The following SEC14L5 variants were observed in gnomAD, a reference collection of about 807,000 sequenced individuals.
SEC14L5 encodes the protein SEC14 like lipid binding 5, also known as SEC14-like protein 5.
SEC14L5 carries 96 observed loss-of-function variants against 84.6 expected under a neutral mutation model. That is an observed-to-expected ratio of 1.13 (90% confidence interval 0.96 to 1.34). The LOEUF is 1.34. Among genes scored for constraint, SEC14L5 ranks in the 40% most tolerant of loss-of-function variants. The pLI is 0.00. For missense variants in SEC14L5, 1,224 were observed against 942.5 expected (o/e 1.30, Z -3.91); for synonymous variants, 546 against 383.4 (o/e 1.42, Z -4.95).
chr16:4,988,243 C>G lies in SEC14L5; in HGVS notation c.308C>G (p.Ala103Gly), dbSNP rs984678731. Residue 103 changes from alanine (A) to glycine (G), a missense_variant, in exon 4 of 16, where the codon GCC (alanine) becomes GGC (glycine). Coordinates refer to ENST00000251170, the MANE Select transcript of SEC14L5 (RefSeq NM_014692.2). ...LLIEAHNETF[A>G]NRVVVNEHCS... ...ATCGAAGCGCACAATGAGACCTTCGCCAACCGCGTGGTGGTGAACGAGCAC... is the reference window on the plus strand; with the variant it reads ...ATCGAAGCGCACAATGAGACCTTCGGCAACCGCGTGGTGGTGAACGAGCAC... 5 of 1,613,688 alleles carry G rather than the reference C, an allele frequency of 3.1e-6. No homozygotes were observed. In the African/African-American group the frequency reaches 6.7e-5, roughly 22 times the overall value.
intron 4 of SEC14L5, among the ~76,000 whole-genome samples, chr16:4,989,994 T>G (rs1457979803): frequency 1.3e-5 from 2 of 152,066 alleles, no homozygotes; most frequent in African/African-American, 2.4e-5. Flanking sequence ...TTTGCAAACA[T>G]ACAGATCTAT....
chr16:4,985,485 C>T (rs1343096004), intron 2 of SEC14L5, among the ~76,000 whole-genome samples: 1 of 152,202 alleles, frequency 6.6e-6, no homozygotes, highest in Admixed American at 6.5e-5. Context: ...GCCTCAGCCC[C>T]CCAAGGTTCT....
chr16:4,962,707 A>AAC (rs1555527618), intron 2 of SEC14L5, among the ~76,000 whole-genome samples: 4 of 150,776 alleles, frequency 2.7e-5, no homozygotes, highest in Non-Finnish European at 5.9e-5. Flanking sequence ...AAAAAAAAAA[A>AAC]ACTTCCTTAT....
chr16:5,007,606 C>CTTTCTT, intron 13 of SEC14L5, 120 bp downstream of exon 13: 1 of 562,146 alleles, frequency 1.8e-6, no homozygotes. Context: ...TTCTTTCTTT[C>CTTTCTT]TTTTTTTTTT....
At chr16:4,967,030 G>C (rs1042352029) in intron 2 of SEC14L5, among the ~76,000 whole-genome samples, 12 of 152,232 alleles carry the variant, frequency 7.9e-5, no homozygotes, top group Non-Finnish European at 1.6e-4. Flanking sequence ...TGTAGCAGAA[G>C]AGGAAATTGA....
At chr16:4,970,902 C>G (rs192092832) in intron 2 of SEC14L5, among the ~76,000 whole-genome samples, 257 of 152,120 alleles carry the variant, frequency 1.7e-3, no homozygotes, top group Middle Eastern at 0.01. Flanking sequence ...GAGGTCAGGA[C>G]TTTGAGACCA....
chr16:5,000,102 C>A (rs972053145), intron 8 of SEC14L5, among the ~76,000 whole-genome samples: 3 of 151,922 alleles, frequency 2.0e-5, no homozygotes, highest in East Asian at 1.9e-4. Context: ...ACCAGCCTGG[C>A]CAAGATGGTG....
Position 5,008,615 on chromosome 16 carries a change from T to A in SEC14L5, c.1767T>A (p.Ala589=). The stretch of plus-strand genomic sequence containing the variant: ...GCAGGGATTACAGCCGTGTGGAGGC[T>A]CCCCTTGTCTGCCGGGAGGGGGAGA... ...VLGRDYSRVE[A]PLVCREGESI... Residue 589 remains alanine, a synonymous_variant, in exon 14 of 16, where the codon GCT becomes GCA. Transcript: ENST00000251170. 1 of 1,603,690 alleles carries A rather than the reference T, an allele frequency of 6.2e-7. No individual in the cohort carries two copies. The highest frequency in any genetic ancestry group is 8.5e-7 in the Non-Finnish European group (1 of 1,177,374).
rs115048011 is a variant in SEC14L5 at position 4,994,035 on chromosome 16, C to T, written c.667+2005C>T. 5.0e-3 allele frequency among the ~76,000 whole-genome samples: 705 copies of T among 140,082 alleles called. 5 individuals carry two copies. The highest frequency in any genetic ancestry group is 0.018 in the African/African-American group (666 of 37,406). 91.9% of individuals were successfully genotyped at this position (140,082 alleles called of 152,430 possible). ...TGTCCATTTTCTTATTTGCCCATTG[C>T]TTTCTTATTGGTTTGTAAGAGCTCT... On this transcript the variant is annotated intron_variant, in intron 6 of 15. Transcript: ENST00000251170.
In SEC14L5 at chr16:5,015,111, G is replaced by A. The variant is rs118017792; in HGVS notation, c.*141G>A. 6.1e-6 allele frequency: 4 copies of A among 656,388 alleles called. No individual in the cohort carries two copies. Among genetic ancestry groups the A allele is most frequent in the Non-Finnish European group, 1.0e-5 (4 of 384,162 alleles). 40.7% of individuals were successfully genotyped at this position (656,388 alleles called of 1,614,324 possible). On this transcript the variant is annotated 3_prime_UTR_variant, in exon 16 of 16. Coordinates refer to ENST00000251170, the MANE Select transcript of SEC14L5 (RefSeq NM_014692.2). Reference sequence around the variant, plus strand: ...TGCTGCCCAAGTTGGGGTGTCTGGAGCGGATGGCAAGGATCCAGAACTGGC... The same window carrying A: ...TGCTGCCCAAGTTGGGGTGTCTGGAACGGATGGCAAGGATCCAGAACTGGC...
At chr16:5,014,754 C>T in intron 15 of SEC14L5, 105 bp from the exon 16 acceptor site, 2 of 814,094 alleles carry the variant, frequency 2.5e-6, no homozygotes, top group Admixed American at 2.4e-5. Context: ...GGCCTGGGGC[C>T]CTGGGGCCTG....
In SEC14L5 at chr16:5,019,066, C is replaced by T. The variant is rs1404086341; in HGVS notation, c.*4096C>T. 1 of 152,234 alleles carries T rather than the reference C, an allele frequency of 6.6e-6. No individual in the cohort carries two copies. Among genetic ancestry groups the T allele is most frequent in the Non-Finnish European group, 1.5e-5 (1 of 68,056 alleles). 9.4% of individuals were successfully genotyped at this position (152,234 alleles called of 1,614,324 possible). On this transcript the variant is annotated 3_prime_UTR_variant, in exon 16 of 16. Coordinates refer to ENST00000251170, the MANE Select transcript of SEC14L5 (RefSeq NM_014692.2). ...GTTGTTTAAAAGACTTTAGAGCTAG[C>T]TTGTTCAGCCTGTGGCCTGCAGGCT...
Position 4,987,604 on chromosome 16 carries a change from G to A in SEC14L5, c.111G>A (p.Leu37=), listed in dbSNP as rs142550348. ...CGTGCCCACAGATCCCAGTCTTCCT[G>A]GGCAGCGAGGTCTTGCGCGAGTCCC... is the stretch of plus-strand genomic sequence containing the variant. ...FPTCPQIPVF[L]GSEVLRESRS... Residue 37 remains leucine, a synonymous_variant, in exon 3 of 16, where the codon CTG becomes CTA. Transcript: ENST00000251170. 2,196 of 1,560,356 alleles carry A rather than the reference G, an allele frequency of 1.4e-3. 22 individuals carry two copies. The East Asian group carries it at 0.023, about 16-fold the overall frequency.
intron 13 of SEC14L5, 58 bp from the exon 14 acceptor site, chr16:5,008,363 C>T: frequency 2.3e-6 from 3 of 1,304,808 alleles, no homozygotes; most frequent in East Asian, 2.5e-5. Flanking sequence ...CACTGTGTTC[C>T]CCACCCCAGC....
chr16:4,991,055 T>G (rs1955548675), intron 5 of SEC14L5, among the ~76,000 whole-genome samples, 160 bp downstream of exon 5: 1 of 151,392 alleles, frequency 6.6e-6, no homozygotes, highest in East Asian at 1.9e-4. Context: ...AGATAATGGA[T>G]GGAAAGTAAC....
Position 4,996,978 on chromosome 16 carries a change from C to T in SEC14L5, c.904C>T (p.Gln302Ter), listed in dbSNP as rs201597778. ...RKQHQVDLLL[Q>*]TWQPPALLEE... ...GCAGCACCAGGTGGATCTCCTCCTT[C>T]AGACCTGGCAACCCCCTGCCCTGCT... Residue 302 changes from glutamine (Q) to a stop codon, truncating the protein, a stop_gained, in exon 8 of 16, where the codon CAG (glutamine) becomes TAG (stop). Coordinates refer to ENST00000251170, the MANE Select transcript of SEC14L5 (RefSeq NM_014692.2). LOFTEE classifies it high-confidence loss of function. The T allele has an allele frequency of 4.3e-6, 7 of 1,613,488 alleles. No homozygotes were observed. Among genetic ancestry groups the T allele is most frequent in the South Asian group, 1.1e-5 (1 of 90,996 alleles).
intron 14 of SEC14L5, 57 bp downstream of exon 14, chr16:5,008,705 G>T: frequency 1.4e-6 from 2 of 1,462,574 alleles, no homozygotes; most frequent in Non-Finnish European, 1.9e-6. Context: ...TGTCCACTGC[G>T]TGCCAGGCTT....
Position 5,014,965 on chromosome 16 carries a change from A to G in SEC14L5, c.2086A>G (p.Arg696Gly). The change falls in exon 16 of 16, where the codon AGA (arginine) becomes GGA (glycine). Residue 696 changes from arginine (R) to glycine (G), a missense_variant. Transcript: ENST00000251170. ...GQSHSSSLVS[R>G] Reference sequence around the variant, plus strand: ...GTCTCATAGCAGCTCCCTGGTCTCCAGATAGCCGGGCCCAGTGTTTCAGGG... The same window carrying G: ...GTCTCATAGCAGCTCCCTGGTCTCCGGATAGCCGGGCCCAGTGTTTCAGGG... The G allele has an allele frequency of 6.2e-7, 1 of 1,609,538 alleles. No individual in the cohort carries two copies. Among genetic ancestry groups the G allele is most frequent in the Non-Finnish European group, 8.5e-7 (1 of 1,179,296 alleles).
rs758318632 is a variant in SEC14L5, at chr16:5,000,760, G to C, written c.1059+17G>C. ...CTGCGGCATGTGAGTCAGGGGCCTC[G>C]TTCCTGGACGCCGTGCCTGGGGCCG... On this transcript the variant is annotated intron_variant, in intron 9 of 15. Transcript: ENST00000251170. 1 of 1,554,136 alleles carries C rather than the reference G, an allele frequency of 6.4e-7. No homozygotes were observed. The highest frequency in any genetic ancestry group is 1.4e-5 in the African/African-American group (1 of 73,200).
Sources: gnomAD v4.1 joint callset for allele counts (sites outside exome capture counted in the v4.1 genomes callset) on GRCh38, gnomAD v4.1.1 for gene constraint, MANE v1.5 for transcripts, NCBI Gene and HGNC (gene_info 2026-07-23, HGNC 2026-07-21) for gene names.